Variants in SH3GL1 observed in about 807,000 individuals in gnomAD.
The protein encoded by SH3GL1 is endophilin-A2.
SH3GL1 carries 21 observed loss-of-function variants against 48.8 expected under a neutral mutation model. That is an observed-to-expected ratio of 0.43 (90% CI 0.30 to 0.62). The LOEUF is 0.62. Ranked by LOEUF, SH3GL1 falls within the 20% of genes least tolerant of loss-of-function variation. The pLI is 0.11. For synonymous variants in SH3GL1, 282 were observed against 217.5 expected (o/e 1.30, Z -2.61); for missense variants, 454 against 503.0 (o/e 0.90, Z 0.93).
rs907402295 is a variant in SH3GL1 at position 4,361,470 on chromosome 19, G to A, written c.*130C>T. On this transcript the variant is annotated 3_prime_UTR_variant, in exon 10 of 10. Transcript: ENST00000269886. Reference sequence around the variant, plus strand: ...GGGTCCTGCTCAGGGAGTACCTCAAGGGCCGGGGCCCAGGTGGCGCCGGCA... The same window carrying A: ...GGGTCCTGCTCAGGGAGTACCTCAAAGGCCGGGGCCCAGGTGGCGCCGGCA... 4.4e-6 allele frequency: 3 copies of A among 679,596 alleles called. No individual in the cohort carries two copies. Among genetic ancestry groups the A allele is most frequent in the Non-Finnish European group, 7.5e-6 (3 of 400,324 alleles). 42.1% of individuals were successfully genotyped at this position (679,596 alleles called of 1,614,324 possible). A position where few individuals can be genotyped will look rare whatever the true frequency, so the allele number is the denominator to read the frequency against.
chr19:4,384,206 G>A (rs1321021591), intron 1 of SH3GL1, among the ~76,000 whole-genome samples: 1 of 152,204 alleles, frequency 6.6e-6, no homozygotes, highest in Non-Finnish European at 1.5e-5. Context: ...AGGATGCCCA[G>A]CAGAAGCAGA....
rs371298917 is a variant in SH3GL1, at chr19:4,389,459, G to C, written c.45+10865C>G. ...CCGGTGACATGGACAGGAGGCAGGA[G>C]AGTACAGGGCCCCACACAGGGTGGG... On this transcript the variant is annotated intron_variant, in intron 1 of 9. Transcript: ENST00000269886. The surrounding 1 kb of genome is among the most constrained non-coding windows in gnomAD (Gnocchi z 4.5). Among the ~76,000 whole-genome samples, 144 of 146,452 alleles carry C rather than the reference G, an allele frequency of 9.8e-4. No individual in the cohort carries two copies. Among genetic ancestry groups the C allele is most frequent in the Middle Eastern group, 3.4e-3 (1 of 292 alleles).
In SH3GL1 at chr19:4,368,245, G is replaced by A. The variant is rs140154685; in HGVS notation, c.46-1251C>T. On this transcript the variant is annotated intron_variant, in intron 1 of 9. Transcript: ENST00000269886. Reference sequence around the variant, plus strand: ...TGGCCAAGGGATGCCATGAGGGTCCGTGTGGTGCCACACTGCGTTGGCTGT... The same window carrying A: ...TGGCCAAGGGATGCCATGAGGGTCCATGTGGTGCCACACTGCGTTGGCTGT... Among the ~76,000 whole-genome samples, 586 of 152,364 alleles carry A rather than the reference G, an allele frequency of 3.8e-3. 4 individuals are homozygous for A. The highest frequency in any genetic ancestry group is 0.013 in the African/African-American group (539 of 41,582).
Position 4,400,390 on chromosome 19 carries a change from T to A in SH3GL1, c.-22A>T. ...ACATGCTGCCGCCCGCCGCCGAGCCTCCCGCCCGGACCGCGCCAGCGACAG... is the reference window on the plus strand; with the variant it reads ...ACATGCTGCCGCCCGCCGCCGAGCCACCCGCCCGGACCGCGCCAGCGACAG... On this transcript the variant is annotated 5_prime_UTR_variant, in exon 1 of 10. Coordinates refer to ENST00000269886, the MANE Select transcript of SH3GL1 (RefSeq NM_003025.4). The surrounding 1 kb of genome is among the most constrained non-coding windows in gnomAD (Gnocchi z 4.1). 5 of 1,579,152 alleles carry A rather than the reference T, an allele frequency of 3.2e-6. No homozygotes were observed. Among genetic ancestry groups the A allele is most frequent in the Non-Finnish European group, 3.4e-6 (4 of 1,167,976 alleles).
intron 1 of SH3GL1, among the ~76,000 whole-genome samples, chr19:4,386,489 ATTTC>A (rs1015092685): frequency 2.2e-4 from 23 of 106,724 alleles, no homozygotes; most frequent in Admixed American, 9.1e-4. Context: ...TTTTTTTTTT[ATTTC>A]TTTTTCACTT....
chr19:4,376,420 G>C lies in SH3GL1; in HGVS notation c.46-9426C>G, dbSNP rs1026593891. Among the ~76,000 whole-genome samples, 1 of 152,110 alleles carries C rather than the reference G, an allele frequency of 6.6e-6. No homozygotes were observed. Among genetic ancestry groups the C allele is most frequent in the African/African-American group, 2.4e-5 (1 of 41,424 alleles). On this transcript the variant is annotated intron_variant, in intron 1 of 9. Transcript: ENST00000269886. This position sits in a 1 kb window ranked among gnomAD's most constrained non-coding sequence, Gnocchi z 4.3. ...TCCTCCCTGCCGGCAGCCAGGCAGG[G>C]ATTTAGGTGGTTTCTGTTTGGCCTC...
rs1973494207 is a variant in SH3GL1 at position 4,400,034 on chromosome 19, G to T, written c.45+290C>A. ...TCTTCCCCTTCTCTCCCCGCACCCC[G>T]CCTTTGCAGCGGAGAGAAGGAGGGG... On this transcript the variant is annotated intron_variant, in intron 1 of 9. Transcript: ENST00000269886. The surrounding 1 kb of genome is among the most constrained non-coding windows in gnomAD (Gnocchi z 4.1). 6.6e-6 allele frequency among the ~76,000 whole-genome samples: 1 copy of T among 152,104 alleles called. No individual in the cohort carries two copies.
chr19:4,377,937 G>A (rs1052266537), intron 1 of SH3GL1, among the ~76,000 whole-genome samples: 2 of 152,202 alleles, frequency 1.3e-5, no homozygotes, highest in African/African-American at 4.8e-5. Context: ...TCTGGCGGGT[G>A]CAGCCTGCTT....
chr19:4,379,020 A>G (rs923037856), intron 1 of SH3GL1, among the ~76,000 whole-genome samples: 8 of 152,226 alleles, frequency 5.3e-5, no homozygotes, highest in African/African-American at 1.9e-4. Context: ...CGTGCACGAA[A>G]TCTCATGTTG....
At chr19:4,369,156 T>C (rs901376981) in intron 1 of SH3GL1, among the ~76,000 whole-genome samples, 3 of 152,192 alleles carry the variant, frequency 2.0e-5, no homozygotes, top group African/African-American at 7.2e-5. Context: ...AAGCAGGAAC[T>C]GTCCCTTGCG....
intron 1 of SH3GL1, among the ~76,000 whole-genome samples, chr19:4,396,938 C>T (rs949133810): frequency 1.3e-5 from 2 of 152,106 alleles, no homozygotes; most frequent in Non-Finnish European, 2.9e-5. Context: ...GTTTTTTACC[C>T]TTAGACCGGA....
chr19:4,385,215 G>A lies in SH3GL1; in HGVS notation c.45+15109C>T, dbSNP rs370999792. Among the ~76,000 whole-genome samples the A allele has an allele frequency of 2.4e-3, 368 of 152,294 alleles. 1 individual carries two copies. Among genetic ancestry groups the A allele is most frequent in the African/African-American group, 7.7e-3 (322 of 41,566 alleles). ...GCGTGTTTTGGCGCAGTGAACGTGC[G>A]CAGTGAAGGCACGCCGGCCCTGCTC... On this transcript the variant is annotated intron_variant, in intron 1 of 9. Coordinates refer to ENST00000269886, the MANE Select transcript of SH3GL1 (RefSeq NM_003025.4).
chr19:4,372,950 G>A (rs1340880630), intron 1 of SH3GL1, among the ~76,000 whole-genome samples: 3 of 152,222 alleles, frequency 2.0e-5, no homozygotes, highest in Non-Finnish European at 4.4e-5. Context: ...CAGGGGCGGC[G>A]CTGGCTGCAG....
chr19:4,400,435 C>T lies in SH3GL1; in HGVS notation c.-67G>A. On this transcript the variant is annotated 5_prime_UTR_variant, in exon 1 of 10. Coordinates refer to ENST00000269886, the MANE Select transcript of SH3GL1 (RefSeq NM_003025.4). This position sits in a 1 kb window ranked among gnomAD's most constrained non-coding sequence, Gnocchi z 4.1. ...CGACAGGCTCCCGGGCGCCGCCGAC[C>T]CTCTGCGCGCCTCAGCAGTCCCCGT... 1 of 1,435,804 alleles carries T rather than the reference C, an allele frequency of 7.0e-7. No individual in the cohort carries two copies. Among genetic ancestry groups the T allele is most frequent in the Non-Finnish European group, 9.1e-7 (1 of 1,094,318 alleles). The allele number at this position is 1,435,804 out of a possible 1,614,324, so 88.9% of individuals were successfully genotyped here.
intron 1 of SH3GL1, chr19:4,390,075 TA>T (rs1973308107): frequency 6.6e-6 from 1 of 152,354 alleles, no homozygotes; most frequent in African/African-American, 2.4e-5. Context: ...TGCGGCCCGC[TA>T]GGCGGGAGCC....
intron 2 of SH3GL1, 107 bp from the exon 3 acceptor site, chr19:4,366,680 C>T (rs1050853582): frequency 3.7e-6 from 4 of 1,078,706 alleles, no homozygotes; most frequent in East Asian, 2.5e-5. Flanking sequence ...TACCAGGACC[C>T]CCCAACCCCC....
At chr19:4,384,980 T>C (rs540056899) in intron 1 of SH3GL1, among the ~76,000 whole-genome samples, 1 of 152,064 alleles carries the variant, frequency 6.6e-6, no homozygotes, top group Non-Finnish European at 1.5e-5. Flanking sequence ...GGTTGGTGTC[T>C]GTAATCCCAG....
At chr19:4,383,390 T>A (rs1973175253) in intron 1 of SH3GL1, among the ~76,000 whole-genome samples, 1 of 151,876 alleles carries the variant, frequency 6.6e-6, no homozygotes, top group Non-Finnish European at 1.5e-5. Flanking sequence ...ATTTTTTTTT[T>A]TATTTTTTAT....
chr19:4,362,298 CTG>C, intron 9 of SH3GL1, 29 bp downstream of exon 9: 1 of 1,605,466 alleles, frequency 6.2e-7, no homozygotes. Flanking sequence ...GAAGGCAGCA[CTG>C]AGGTCGAGGC....
Sources: gnomAD v4.1 joint callset for allele counts (sites outside exome capture counted in the v4.1 genomes callset) on GRCh38, gnomAD v4.1.1 for gene constraint, Gnocchi (gnomAD v3.1) non-coding constraint, MANE v1.5 for transcripts, NCBI Gene and HGNC (gene_info 2026-07-23, HGNC 2026-07-21) for gene names.